The following CNTN4 variants were observed in gnomAD, a reference collection of about 807,000 sequenced individuals.
CNTN4 encodes contactin-4.
A neutral mutation model predicts 122.5 loss-of-function variants in CNTN4; 77 were observed. The observed-to-expected ratio is 0.63, with a 90% CI of 0.52 to 0.76. The LOEUF (loss-of-function observed/expected upper bound fraction) is 0.76. CNTN4 is among the 30% of genes least tolerant of loss of function. The pLI, the probability that CNTN4 is intolerant of heterozygous loss-of-function variation, is 0.00. For missense variants in CNTN4, 1,256 were observed against 1,259.1 expected (o/e 1.00, Z 0.04); for synonymous variants, 512 against 447.0 (o/e 1.15, Z -1.83).
At position 2,624,930 on chromosome 3, in the gene CNTN4, G is replaced by T. The variant is rs552723385; in HGVS notation, c.55+53372G>T. Among the ~76,000 whole-genome samples the T allele has an allele frequency of 9.2e-5, 14 of 152,004 alleles. No homozygotes were observed. In the East Asian group the frequency reaches 1.6e-3, roughly 17 times the overall value. On this transcript the variant is annotated intron_variant, in intron 4 of 24. Transcript: ENST00000418658. Reference sequence around the variant, plus strand: ...TTACAGGCATGAGCCACTGGGCCTGGCCTCTGATTCTTAATTTTAGCTGTA... The same window carrying T: ...TTACAGGCATGAGCCACTGGGCCTGTCCTCTGATTCTTAATTTTAGCTGTA...
intron 2 of CNTN4, among the ~76,000 whole-genome samples, chr3:2,256,775 C>T (rs1484990327): frequency 6.6e-6 from 1 of 152,060 alleles, no homozygotes; most frequent in South Asian, 2.1e-4. Flanking sequence ...AACCACTGCT[C>T]AAGGAAATAA....
intron 2 of CNTN4, among the ~76,000 whole-genome samples, chr3:2,328,233 G>A (rs1220067396): frequency 1.3e-5 from 2 of 151,766 alleles, no homozygotes; most frequent in Non-Finnish European, 1.5e-5. Flanking sequence ...GTGAAACCCC[G>A]TCTCTACTAA....
chr3:2,979,938 A>C (rs1693800819), intron 13 of CNTN4, among the ~76,000 whole-genome samples: 1 of 152,128 alleles, frequency 6.6e-6, no homozygotes, highest in African/African-American at 2.4e-5. Flanking sequence ...TTTTGGGATA[A>C]TCCTCCTCTT....
intron 6 of CNTN4, among the ~76,000 whole-genome samples, chr3:2,815,582 A>G (rs1433761544): frequency 6.6e-6 from 1 of 152,140 alleles, no homozygotes. Context: ...ATCAAAAAAC[A>G]GTAGATGTTG....
chr3:3,029,828 A>G (rs1327947616), intron 15 of CNTN4, among the ~76,000 whole-genome samples: 2 of 152,160 alleles, frequency 1.3e-5, no homozygotes, highest in East Asian at 3.9e-4. Flanking sequence ...TAGTGAGTTT[A>G]ATATAGGTAA....
At chr3:2,391,552 A>G (rs1384051266) in intron 3 of CNTN4, among the ~76,000 whole-genome samples, 2 of 152,210 alleles carry the variant, frequency 1.3e-5, no homozygotes, top group Admixed American at 6.5e-5. Context: ...TTCTTCTAAC[A>G]TATCCCCCAC....
At chr3:2,131,056 A>G (rs1411207447) in intron 2 of CNTN4, among the ~76,000 whole-genome samples, 2 of 152,144 alleles carry the variant, frequency 1.3e-5, no homozygotes, top group African/African-American at 4.8e-5. Context: ...ATAATAGCTG[A>G]CATGTATTGT....
intron 4 of CNTN4, among the ~76,000 whole-genome samples, chr3:2,573,969 C>G (rs2079541997): frequency 6.6e-6 from 1 of 152,184 alleles, no homozygotes; most frequent in Admixed American, 6.5e-5. Flanking sequence ...GTAACCCCAA[C>G]AGTTTGGGAG....
At chr3:2,586,971 T>C (rs2080231640) in intron 4 of CNTN4, among the ~76,000 whole-genome samples, 1 of 152,214 alleles carries the variant, frequency 6.6e-6, no homozygotes, top group Non-Finnish European at 1.5e-5. Flanking sequence ...AGTCTAATTA[T>C]ATCTTAGCTT....
intron 6 of CNTN4, among the ~76,000 whole-genome samples, chr3:2,769,464 C>CAA (rs71058643): frequency 0.035 from 4,852 of 136,684 alleles, 383 homozygotes; most frequent in Admixed American, 0.18. Context: ...GACTCTGTCT[C>CAA]AAAAAAAAAA....
At chr3:2,126,624 A>G (rs1356983577) in intron 2 of CNTN4, among the ~76,000 whole-genome samples, 1 of 152,214 alleles carries the variant, frequency 6.6e-6, no homozygotes, top group Non-Finnish European at 1.5e-5. Context: ...TGTTTTGACT[A>G]GAATGGTAAT....
intron 3 of CNTN4, among the ~76,000 whole-genome samples, chr3:2,413,912 C>T (rs1396670806): frequency 6.6e-6 from 1 of 152,112 alleles, no homozygotes; most frequent in Non-Finnish European, 1.5e-5. Context: ...AGTGTGGATT[C>T]TTTCAGTTAA....
intron 3 of CNTN4, among the ~76,000 whole-genome samples, chr3:2,554,550 T>A (rs1379752998): frequency 1.3e-5 from 2 of 151,992 alleles, no homozygotes; most frequent in African/African-American, 2.4e-5. Context: ...GAAAAAAAAA[T>A]TACTGAAAAT....
intron 6 of CNTN4, among the ~76,000 whole-genome samples, chr3:2,785,895 G>GGGGGGGGGGGGGCC: frequency 1.2e-5 from 1 of 81,722 alleles, no homozygotes; most frequent in African/African-American, 4.3e-5. Context: ...GGCCCACGCT[G>GGGGGGGGGGGGGCC]CCCCCCCCCG....
At chr3:2,589,487 C>T (rs1289959902) in intron 4 of CNTN4, among the ~76,000 whole-genome samples, 1 of 152,208 alleles carries the variant, frequency 6.6e-6, no homozygotes, top group African/African-American at 2.4e-5. Flanking sequence ...CTCAAGACTA[C>T]TCAAGCCATT....
Position 3,042,965 on chromosome 3 carries a change from T to A in CNTN4, c.2512-12T>A. ...GGTATGGTTTCCAAGGTCTTTCTGT[T>A]TATCTTCTTAGGTTAAATATTGGAG... On this transcript the variant is annotated splice_polypyrimidine_tract_variant and intron_variant, in intron 21 of 24. Transcript: ENST00000418658. 1.2e-6 allele frequency: 2 copies of A among 1,610,798 alleles called. No homozygotes were observed. Among genetic ancestry groups the A allele is most frequent in the Non-Finnish European group, 1.7e-6 (2 of 1,177,038 alleles).
At chr3:2,433,271 G>A (rs2048142735) in intron 3 of CNTN4, among the ~76,000 whole-genome samples, 1 of 152,242 alleles carries the variant, frequency 6.6e-6, no homozygotes, top group African/African-American at 2.4e-5. Flanking sequence ...AGTGCACAAT[G>A]GTTTCCCTTT....
intron 14 of CNTN4, chr3:3,009,132 C>A: frequency 1.6e-6 from 1 of 612,028 alleles, no homozygotes; most frequent in Non-Finnish European, 2.0e-6. Context: ...AGAGTAGGGG[C>A]CAATGTTAGA....
rs1368932355 is a variant in CNTN4 at position 3,053,871 on chromosome 3, A to C, written c.2876A>C (p.Glu959Ala). The C allele has an allele frequency of 6.2e-7, 1 of 1,614,048 alleles. No homozygotes were observed. Among genetic ancestry groups the C allele is most frequent in the Non-Finnish European group, 8.5e-7 (1 of 1,179,990 alleles). ...SVIETNKTSV[E>A]LSLPFDEDYI... Reference sequence around the variant, plus strand: ...ATTGAAACAAATAAAACATCGGTGGAGCTTTCTTTGCCTTTCGATGAAGAT... The same window carrying C: ...ATTGAAACAAATAAAACATCGGTGGCGCTTTCTTTGCCTTTCGATGAAGAT... Residue 959 changes from glutamate (E) to alanine (A), a missense_variant, in exon 24 of 25, where the codon GAG becomes GCG. Coordinates refer to ENST00000418658, the MANE Select transcript of CNTN4 (RefSeq NM_175607.3).
Sources: gnomAD v4.1 joint callset for allele counts (sites outside exome capture counted in the v4.1 genomes callset) on GRCh38, gnomAD v4.1.1 for gene constraint, MANE v1.5 for transcripts, NCBI Gene and HGNC (gene_info 2026-07-23, HGNC 2026-07-21) for gene names.